CDKAL1: variants seen among roughly 807,000 people sequenced by gnomAD.
CDKAL1 encodes CDKAL1 threonylcarbamoyladenosine tRNA methylthiotransferase.
Under a neutral mutation model 68.2 loss-of-function variants are expected in CDKAL1, and 32 were observed. The ratio of observed to expected loss-of-function variants is 0.47; its 90% CI spans 0.35 to 0.63. CDKAL1 has a LOEUF of 0.63. Among genes scored for constraint, CDKAL1 ranks in the 30% least tolerant of loss-of-function variants. CDKAL1 has a pLI of 0.00. For missense variants in CDKAL1, 606 were observed against 696.7 expected (o/e 0.87, Z 1.47); for synonymous variants, 234 against 244.3 (o/e 0.96, Z 0.39).
At chr6:20,803,603 AG>A (rs1776455476) in intron 8 of CDKAL1, among the ~76,000 whole-genome samples, 1 of 152,164 alleles carries the variant, frequency 6.6e-6, no homozygotes, top group Admixed American at 6.6e-5. Context: ...AGAGTTGTTT[AG>A]GTTAAATGCA....
intron 2 of CDKAL1, among the ~76,000 whole-genome samples, chr6:20,543,628 A>G (rs1402004203): frequency 6.6e-6 from 1 of 151,120 alleles, no homozygotes; most frequent in Non-Finnish European, 1.5e-5. Context: ...CTTTTTATGG[A>G]TTGTGCTTTT....
At chr6:20,955,796 C>G (rs2150727875) in intron 10 of CDKAL1, among the ~76,000 whole-genome samples, 1 of 152,178 alleles carries the variant, frequency 6.6e-6, no homozygotes, top group African/African-American at 2.4e-5. Context: ...TAACATTGCC[C>G]AAATTTTTCA....
At chr6:20,810,676 TAA>T (rs34206478) in intron 8 of CDKAL1, among the ~76,000 whole-genome samples, 27,328 of 142,592 alleles carry the variant, frequency 0.19, 2,832 homozygotes, top group African/African-American at 0.22. Context: ...AATATATTGC[TAA>T]AAAAAAAAAG....
intron 12 of CDKAL1, among the ~76,000 whole-genome samples, chr6:21,082,874 G>GTTTTTTTTTTT (rs71540612): frequency 7.7e-6 from 1 of 129,168 alleles, no homozygotes; most frequent in Non-Finnish European, 1.6e-5. Context: ...TGTTTCTTTT[G>GTTTTTTTTTTT]TTTTTTTTTT....
chr6:21,207,969 C>G (rs1257510901), intron 15 of CDKAL1, among the ~76,000 whole-genome samples: 1 of 151,780 alleles, frequency 6.6e-6, no homozygotes, highest in South Asian at 2.1e-4. Context: ...ACTACTACAG[C>G]GTTGGCCATT....
intron 13 of CDKAL1, among the ~76,000 whole-genome samples, chr6:21,142,954 TA>T (rs1161278890): frequency 6.6e-6 from 1 of 152,162 alleles, no homozygotes; most frequent in Non-Finnish European, 1.5e-5. Context: ...GAGTTCTAAC[TA>T]GTGTAGAAAA....
chr6:20,731,180 A>G (rs963517289), intron 5 of CDKAL1, among the ~76,000 whole-genome samples: 1 of 152,230 alleles, frequency 6.6e-6, no homozygotes. Context: ...TTCGTAGGCC[A>G]TTCTTATGAA....
chr6:21,188,243 CTCATT>C (rs1460502769), intron 13 of CDKAL1, among the ~76,000 whole-genome samples: 1 of 152,114 alleles, frequency 6.6e-6, no homozygotes, highest in Admixed American at 6.5e-5. Context: ...TTAAAAACTT[CTCATT>C]TATGGCAACA....
chr6:20,908,421 A>G (rs1233264827), intron 9 of CDKAL1, among the ~76,000 whole-genome samples: 1 of 152,240 alleles, frequency 6.6e-6, no homozygotes, highest in Non-Finnish European at 1.5e-5. Flanking sequence ...ATAAATACAA[A>G]TTTAATCAAA....
chr6:21,161,389 A>G (rs1334334539), intron 13 of CDKAL1, among the ~76,000 whole-genome samples: 1 of 152,230 alleles, frequency 6.6e-6, no homozygotes, highest in Non-Finnish European at 1.5e-5. Context: ...ATAGAAAAAC[A>G]ATATTGAATG....
intron 8 of CDKAL1, among the ~76,000 whole-genome samples, chr6:20,836,326 T>C (rs1208503790): frequency 1.3e-5 from 2 of 152,226 alleles, no homozygotes; most frequent in Non-Finnish European, 2.9e-5. Flanking sequence ...ATTTTCATTT[T>C]TAAAAAAGCA....
At chr6:21,081,964 C>T (rs760785487) in intron 12 of CDKAL1, among the ~76,000 whole-genome samples, 9 of 147,234 alleles carry the variant, frequency 6.1e-5, no homozygotes, top group African/African-American at 1.0e-4. Context: ...TTCCAAAGGA[C>T]TTATACATGT....
chr6:20,787,354 G>C (rs1775719331), intron 8 of CDKAL1, among the ~76,000 whole-genome samples: 1 of 152,044 alleles, frequency 6.6e-6, no homozygotes, highest in Non-Finnish European at 1.5e-5. Context: ...AAATTTATCA[G>C]TTCCTATTCC....
intron 9 of CDKAL1, among the ~76,000 whole-genome samples, chr6:20,893,401 A>G (rs1761513692): frequency 6.6e-6 from 1 of 152,174 alleles, no homozygotes; most frequent in African/African-American, 2.4e-5. Context: ...TCATGCCTGT[A>G]GCAACTGCTT....
chr6:20,549,633 G>A (rs551031727), intron 4 of CDKAL1, among the ~76,000 whole-genome samples: 13 of 150,238 alleles, frequency 8.7e-5, no homozygotes, highest in African/African-American at 3.2e-4. Flanking sequence ...CTTTGAGATG[G>A]GGTCTCTTTG....
At chr6:20,828,637 T>G (rs1249968465) in intron 8 of CDKAL1, among the ~76,000 whole-genome samples, 2 of 152,194 alleles carry the variant, frequency 1.3e-5, no homozygotes, top group Non-Finnish European at 2.9e-5. Flanking sequence ...GAATTATATT[T>G]TCCTCTTGAA....
At chr6:21,095,962 T>C (rs1038128799) in intron 12 of CDKAL1, among the ~76,000 whole-genome samples, 1 of 152,332 alleles carries the variant, frequency 6.6e-6, no homozygotes, top group East Asian at 1.9e-4. Flanking sequence ...ATTATTGGTA[T>C]GATGGGGCAG....
intron 4 of CDKAL1, among the ~76,000 whole-genome samples, chr6:20,550,714 C>T (rs777905016): frequency 6.6e-6 from 1 of 152,046 alleles, no homozygotes; most frequent in Non-Finnish European, 1.5e-5. Flanking sequence ...ATTTCTGTAT[C>T]TATTATGTGT....
intron 7 of CDKAL1, among the ~76,000 whole-genome samples, chr6:20,761,668 T>G (rs1250247012): frequency 2.6e-5 from 4 of 152,192 alleles, no homozygotes; most frequent in Non-Finnish European, 5.9e-5. Flanking sequence ...CATCAATCTG[T>G]AAGGCTACAT....
Sources: gnomAD v4.1 joint callset for allele counts (sites outside exome capture counted in the v4.1 genomes callset) on GRCh38, gnomAD v4.1.1 for gene constraint, MANE v1.5 for transcripts, NCBI Gene and HGNC (gene_info 2026-07-23, HGNC 2026-07-21) for gene names.